Variants in WDR70 observed in about 807,000 individuals in gnomAD.
The protein encoded by WDR70 is WD repeat-containing protein 70.
In WDR70, 53 loss-of-function variants were observed where a neutral mutation model predicts 88.6. The observed-to-expected ratio is 0.60, with a 90% confidence interval of 0.48 to 0.75. The LOEUF (loss-of-function observed/expected upper bound fraction) is 0.75, where lower values mean the gene tolerates loss of function less well. WDR70 is among the 30% of genes least tolerant of loss of function. The pLI, the probability that WDR70 is intolerant of heterozygous loss-of-function variation, is 0.00. For missense variants in WDR70, 610 were observed against 823.2 expected, an observed-to-expected ratio of 0.74 and a Z score of 3.17; for synonymous variants, 280 against 270.0, an observed-to-expected ratio of 1.04 and a Z score of -0.36.
At chr5:37,721,748 G>A (rs1747821587) in intron 14 of WDR70, 1 of 152,628 alleles carries the variant, frequency 6.6e-6, no homozygotes, top group Admixed American at 6.5e-5. Context: ...TCAAAAGTCT[G>A]AAAACGTAAC....
chr5:37,453,865 T>G (rs1406305677), intron 7 of WDR70, among the ~76,000 whole-genome samples: 1 of 152,170 alleles, frequency 6.6e-6, no homozygotes, highest in African/African-American at 2.4e-5. Context: ...CAGAGAGACC[T>G]TTCCTCACCA....
chr5:37,607,113 T>A (rs1015476182), intron 10 of WDR70, among the ~76,000 whole-genome samples: 2 of 151,580 alleles, frequency 1.3e-5, no homozygotes, highest in African/African-American at 2.4e-5. Context: ...CAGCTAGTTT[T>A]TGTATTTTTG....
intron 9 of WDR70, among the ~76,000 whole-genome samples, chr5:37,562,006 C>CACCA (rs1186308314): frequency 6.6e-6 from 1 of 152,134 alleles, no homozygotes; most frequent in Non-Finnish European, 1.5e-5. Context: ...GAGGAGGTGA[C>CACCA]ACCAAATGCA....
chr5:37,627,119 C>G (rs1744690528), intron 10 of WDR70, among the ~76,000 whole-genome samples: 1 of 151,994 alleles, frequency 6.6e-6, no homozygotes, highest in African/African-American at 2.4e-5. Context: ...TTTAGGGTCT[C>G]ACTCTGTTGC....
chr5:37,640,801 A>G (rs1745082709), intron 10 of WDR70, among the ~76,000 whole-genome samples: 1 of 152,226 alleles, frequency 6.6e-6, no homozygotes. Context: ...TTTTCTTTCT[A>G]TCAGTGATCT....
chr5:37,678,917 G>A (rs1316253421), intron 10 of WDR70, among the ~76,000 whole-genome samples: 1 of 152,072 alleles, frequency 6.6e-6, no homozygotes, highest in African/African-American at 2.4e-5. Flanking sequence ...ATTTCTTGGA[G>A]GCTTTGTTCG....
intron 7 of WDR70, among the ~76,000 whole-genome samples, chr5:37,447,510 C>T (rs1001886234): frequency 9.2e-5 from 14 of 152,100 alleles, no homozygotes; most frequent in African/African-American, 3.1e-4. Flanking sequence ...TGGCACTATT[C>T]GCAATAGCAA....
chr5:37,501,310 G>A (rs1210190741), intron 8 of WDR70, among the ~76,000 whole-genome samples: 4 of 152,000 alleles, frequency 2.6e-5, no homozygotes, highest in African/African-American at 9.7e-5. Flanking sequence ...TGGAGTCTTA[G>A]TCATAAATTC....
chr5:37,591,978 T>C (rs1743543165), intron 9 of WDR70, among the ~76,000 whole-genome samples: 2 of 152,232 alleles, frequency 1.3e-5, no homozygotes, highest in African/African-American at 4.8e-5. Flanking sequence ...CCAGCATTCA[T>C]TCATGATAAA....
chr5:37,649,733 CTTTTTT>C (rs70978834), intron 10 of WDR70, among the ~76,000 whole-genome samples: 10 of 68,740 alleles, frequency 1.5e-4, no homozygotes, highest in East Asian at 4.5e-4. Flanking sequence ...GTTATTACTT[CTTTTTT>C]TTTTTTTTTT....
chr5:37,385,035 A>C lies in WDR70; in HGVS notation c.175+3350A>C, dbSNP rs138922059. The stretch of plus-strand genomic sequence containing the variant: ...TAGCTAGGACGGCTCACAGGGAAAC[A>C]CTTTACTTGCGTTTAACAGTTTATT... On this transcript the variant is annotated intron_variant, in intron 3 of 17. Coordinates refer to ENST00000265107, the MANE Select transcript of WDR70 (RefSeq NM_018034.4). Among the ~76,000 whole-genome samples the C allele has an allele frequency of 1.9e-4, 29 of 152,318 alleles. No homozygotes were observed. The East Asian group carries it at 5.4e-3, about 28-fold the overall frequency.
intron 5 of WDR70, among the ~76,000 whole-genome samples, chr5:37,406,596 G>A (rs1242265752): frequency 6.6e-6 from 1 of 152,148 alleles, no homozygotes; most frequent in African/African-American, 2.4e-5. Context: ...TATGTGGATG[G>A]ATTAAATGAG....
intron 10 of WDR70, among the ~76,000 whole-genome samples, chr5:37,627,188 A>G (rs775455244): frequency 2.0e-5 from 3 of 152,144 alleles, no homozygotes; most frequent in Non-Finnish European, 4.4e-5. Context: ...TCCTGAGCTC[A>G]GGTGATCATC....
chr5:37,611,505 A>G (rs192572259), intron 10 of WDR70, among the ~76,000 whole-genome samples: 2 of 152,116 alleles, frequency 1.3e-5, no homozygotes, highest in East Asian at 3.9e-4. Context: ...TAAACTCCCT[A>G]AATTGAGTGT....
chr5:37,671,133 C>T (rs2112593466), intron 10 of WDR70, among the ~76,000 whole-genome samples: 1 of 152,216 alleles, frequency 6.6e-6, no homozygotes, highest in Middle Eastern at 3.4e-3. Flanking sequence ...TTGGTTACCA[C>T]TAAGCTTGAA....
chr5:37,529,710 C>G (rs1237171338), intron 9 of WDR70, among the ~76,000 whole-genome samples: 1 of 151,984 alleles, frequency 6.6e-6, no homozygotes, highest in Non-Finnish European at 1.5e-5. Flanking sequence ...TTTACCAGTT[C>G]TAGGAGCTTT....
intron 9 of WDR70, among the ~76,000 whole-genome samples, chr5:37,592,529 C>A (rs924075357): frequency 2.0e-5 from 3 of 152,250 alleles, no homozygotes; most frequent in Non-Finnish European, 4.4e-5. Flanking sequence ...AACTGTTACA[C>A]AGTAGCAACA....
At chr5:37,640,523 A>G (rs948614384) in intron 10 of WDR70, among the ~76,000 whole-genome samples, 10 of 152,188 alleles carry the variant, frequency 6.6e-5, no homozygotes, top group Non-Finnish European at 1.5e-4. Context: ...ACATGCTGAC[A>G]TTTAGATCTA....
Position 37,737,254 on chromosome 5 carries a change from C to T in WDR70, c.1877+10209C>T, listed in dbSNP as rs111937463. Reference sequence around the variant, plus strand: ...AGTGTTATTATTGTCCCCATTTTACCGATAAGGAGATTGAGGCTTATAATT... The same window carrying T: ...AGTGTTATTATTGTCCCCATTTTACTGATAAGGAGATTGAGGCTTATAATT... On this transcript the variant is annotated intron_variant, in intron 17 of 17. Coordinates refer to ENST00000265107, the MANE Select transcript of WDR70 (RefSeq NM_018034.4). Among the ~76,000 whole-genome samples the T allele has an allele frequency of 4.5e-4, 69 of 152,152 alleles. 1 individual carries two copies. The highest frequency in any genetic ancestry group is 1.4e-3 in the African/African-American group (57 of 41,508).
Sources: gnomAD v4.1 joint callset for allele counts (sites outside exome capture counted in the v4.1 genomes callset) on GRCh38, gnomAD v4.1.1 for gene constraint, MANE v1.5 for transcripts, NCBI Gene and HGNC (gene_info 2026-07-23, HGNC 2026-07-21) for gene names.